FAM13C: variants seen among roughly 807,000 people sequenced by gnomAD.
FAM13C encodes protein FAM13C.
FAM13C carries 37 observed loss-of-function variants against 73.2 expected under a neutral mutation model. The observed-to-expected ratio is 0.51, with a 90% CI of 0.39 to 0.67. The LOEUF is 0.67. FAM13C is among the 30% of genes least tolerant of loss of function. The probability of loss-of-function intolerance (pLI) is 0.00; values close to 1 mark genes in which losing one functional copy is unlikely to be tolerated. For synonymous variants in FAM13C, 246 were observed against 260.9 expected, an observed-to-expected ratio of 0.94 and a Z score of 0.55; for missense variants, 589 against 715.6, an observed-to-expected ratio of 0.82 and a Z score of 2.02.
At chr10:59,271,143 A>G (rs1432306941) in intron 6 of FAM13C, among the ~76,000 whole-genome samples, 2 of 152,210 alleles carry the variant, frequency 1.3e-5, no homozygotes, top group Admixed American at 1.3e-4. Flanking sequence ...TGCTCAACAG[A>G]CAAGTCAGGA....
In FAM13C at chr10:59,246,133, T is replaced by C. The variant is rs1473933989; in HGVS notation, c.*1481A>G. On this transcript the variant is annotated 3_prime_UTR_variant, in exon 14 of 14. Transcript: ENST00000618804. ...AACTACTGTGTTTCAACATAATAAATATAATAGAAAAATATTTTATTTGTA... is the reference window on the plus strand; with the variant it reads ...AACTACTGTGTTTCAACATAATAAACATAATAGAAAAATATTTTATTTGTA... 1.3e-5 allele frequency: 2 copies of C among 152,712 alleles called. No homozygotes were observed. The highest frequency in any genetic ancestry group is 2.9e-5 in the Non-Finnish European group (2 of 68,096). 9.5% of individuals were successfully genotyped at this position (152,712 alleles called of 1,614,324 possible). A position where few individuals can be genotyped will look rare whatever the true frequency, so the allele number is the denominator to read the frequency against.
At chr10:59,253,441 T>G (rs1841607011) in intron 11 of FAM13C, among the ~76,000 whole-genome samples, 1 of 152,222 alleles carries the variant, frequency 6.6e-6, no homozygotes, top group Non-Finnish European at 1.5e-5. Flanking sequence ...GGACCAACAT[T>G]CAGATACAGA....
upstream of FAM13C, chr10:59,362,596 T>A: frequency 6.7e-7 from 1 of 1,503,362 alleles, no homozygotes; most frequent in Non-Finnish European, 8.9e-7. Context: ...TGTCTGCACA[T>A]GCTCGTAACG....
At position 59,252,893 on chromosome 10, in the gene FAM13C, T is replaced by G. The variant is rs199877009; in HGVS notation, c.1438A>C (p.Asn480His). ...LPVGDHLTYSNETEPVRALLP... is the reference protein window; with the variant it reads ...LPVGDHLTYSHETEPVRALLP... Reference sequence around the variant, plus strand: ...AGGGCCCTAACAGGCTCAGTCTCATTAGAGTAGGTGAGGTGGTCACCAACA... The same window carrying G: ...AGGGCCCTAACAGGCTCAGTCTCATGAGAGTAGGTGAGGTGGTCACCAACA... The change falls in exon 12 of 14, where the codon AAT becomes CAT. Residue 480 changes from asparagine to histidine, a missense_variant. Physicochemically the swap from Asn to His is moderately conservative, Grantham distance 68 (BLOSUM62 1). Transcript: ENST00000618804. 6.2e-7 allele frequency: 1 copy of G among 1,614,126 alleles called. No individual in the cohort carries two copies. Among genetic ancestry groups the G allele is most frequent in the East Asian group, 2.2e-5 (1 of 44,870 alleles).
intron 10 of FAM13C, 92 bp downstream of exon 10, chr10:59,262,342 T>C (rs528346262): frequency 1.7e-6 from 2 of 1,158,780 alleles, no homozygotes; most frequent in Non-Finnish European, 2.5e-6. Context: ...AAAATATTGA[T>C]GTAATGGCAA....
rs6143934 is a variant in FAM13C at position 59,284,031 on chromosome 10, A to ATGTGTGTGTGTG, written c.508-596_508-585dup. Among the ~76,000 whole-genome samples the ATGTGTGTGTGTG allele has an allele frequency of 8.2e-3, 1,223 of 149,094 alleles. 24 individuals are homozygous for ATGTGTGTGTGTG. Among genetic ancestry groups the ATGTGTGTGTGTG allele is most frequent in the African/African-American group, 0.029 (1,161 of 40,662 alleles). On this transcript the variant is annotated intron_variant, in intron 5 of 13. Coordinates refer to ENST00000618804, the MANE Select transcript of FAM13C (RefSeq NM_198215.4). ...CTAGTCCACATTGGTATGCTGGGGTATGTGTGTGTGTGTGTGTGTGTGTCT... is the reference window on the plus strand; with the variant it reads ...CTAGTCCACATTGGTATGCTGGGGTATGTGTGTGTGTGTGTGTGTGTGTGTGTGTGTGTGTCT...
At chr10:59,284,598 G>A (rs1589449516) in intron 5 of FAM13C, among the ~76,000 whole-genome samples, 3 of 114,124 alleles carry the variant, frequency 2.6e-5, no homozygotes, top group South Asian at 3.0e-4. Context: ...ACACACACAC[G>A]TATGTACACC....
At chr10:59,304,831 G>A (rs1444377752) in intron 4 of FAM13C, among the ~76,000 whole-genome samples, 3 of 46,024 alleles carry the variant, frequency 6.5e-5, no homozygotes, top group African/African-American at 1.3e-4. Context: ...GAAGGGGAGG[G>A]GGCGGGGGAG....
intron 4 of FAM13C, among the ~76,000 whole-genome samples, chr10:59,303,222 T>C (rs767062432): frequency 1.1e-4 from 16 of 152,150 alleles, no homozygotes; most frequent in Non-Finnish European, 1.9e-4. Flanking sequence ...CAATTCACTC[T>C]TATCACCATG....
At chr10:59,353,457 C>T (rs149613981) in intron 2 of FAM13C, among the ~76,000 whole-genome samples, 1 of 152,246 alleles carries the variant, frequency 6.6e-6, no homozygotes, top group African/African-American at 2.4e-5. Flanking sequence ...GTGGCCGCTT[C>T]CTTCAGGTGT....
chr10:59,355,879 GC>G lies in FAM13C; in HGVS notation c.119+7del, dbSNP rs1564630215. The G allele has an allele frequency of 1.2e-6, 2 of 1,613,704 alleles. No individual in the cohort carries two copies. Among genetic ancestry groups the G allele is most frequent in the Non-Finnish European group, 1.7e-6 (2 of 1,179,662 alleles). Reference sequence around the variant, plus strand: ...CACAAATATGAACCAAGCAATGGTGGCTTTTACCTGAGACTGGAGCAATCAG... The same window carrying G: ...CACAAATATGAACCAAGCAATGGTGGTTTTACCTGAGACTGGAGCAATCAG... On this transcript the variant is annotated splice_region_variant and intron_variant, in intron 2 of 13. Transcript: ENST00000618804.
chr10:59,332,676 T>G (rs369041181), intron 3 of FAM13C, among the ~76,000 whole-genome samples: 3 of 152,340 alleles, frequency 2.0e-5, no homozygotes, highest in African/African-American at 7.2e-5. Flanking sequence ...GTGTTAAACT[T>G]TAATAAGGGA....
chr10:59,349,624 G>T lies in FAM13C; in HGVS notation c.324+2646C>A, dbSNP rs184505226. Among the ~76,000 whole-genome samples, 956 of 152,198 alleles carry T rather than the reference G, an allele frequency of 6.3e-3. 5 individuals carry two copies. The highest frequency in any genetic ancestry group is 0.01 in the Middle Eastern group (3 of 292). On this transcript the variant is annotated intron_variant, in intron 3 of 13. Transcript: ENST00000618804. ...ATACAAAAAAAAAAATTAGCAGGGCGTGGTGGCACATGCCCGTAGTCTCCA... is the reference window on the plus strand; with the variant it reads ...ATACAAAAAAAAAAATTAGCAGGGCTTGGTGGCACATGCCCGTAGTCTCCA...
chr10:59,290,757 A>G (rs1327541958), intron 5 of FAM13C, among the ~76,000 whole-genome samples: 1 of 152,044 alleles, frequency 6.6e-6, no homozygotes, highest in African/African-American at 2.4e-5. Context: ...CCGTACCTCC[A>G]TTGTTTACTG....
At chr10:59,272,885 T>G (rs1455263789) in intron 6 of FAM13C, among the ~76,000 whole-genome samples, 1 of 152,188 alleles carries the variant, frequency 6.6e-6, no homozygotes, top group Non-Finnish European at 1.5e-5. Flanking sequence ...CTATATATAC[T>G]ACGTTTTTTC....
chr10:59,339,133 T>C (rs1171323900), intron 3 of FAM13C, among the ~76,000 whole-genome samples: 1 of 152,128 alleles, frequency 6.6e-6, no homozygotes, highest in East Asian at 1.9e-4. Flanking sequence ...TGTCTCTCTG[T>C]GTCTGCTCCT....
chr10:59,357,021 C>T (rs1855796207), intron 1 of FAM13C, among the ~76,000 whole-genome samples: 1 of 152,140 alleles, frequency 6.6e-6, no homozygotes, highest in African/African-American at 2.4e-5. Context: ...CAGTGATTTG[C>T]CAGGGGCTCT....
chr10:59,287,475 C>CTT (rs200602603), intron 5 of FAM13C, among the ~76,000 whole-genome samples: 2 of 143,134 alleles, frequency 1.4e-5, no homozygotes, highest in Non-Finnish European at 3.1e-5. Context: ...ACCTTTCATT[C>CTT]TTTTTTTTTT....
intron 1 of FAM13C, among the ~76,000 whole-genome samples, chr10:59,358,252 C>G (rs1173462080): frequency 6.6e-6 from 1 of 152,122 alleles, no homozygotes; most frequent in Non-Finnish European, 1.5e-5. Flanking sequence ...GTGGCACACA[C>G]CTGTAGTTTC....
Sources: gnomAD v4.1 joint callset for allele counts (sites outside exome capture counted in the v4.1 genomes callset) on GRCh38, gnomAD v4.1.1 for gene constraint, MANE v1.5 for transcripts, NCBI Gene and HGNC (gene_info 2026-07-23, HGNC 2026-07-21) for gene names.